DYM: variants seen among roughly 807,000 people sequenced by gnomAD.
The protein encoded by DYM is dyggve-Melchior-Clausen syndrome protein.
Under a neutral mutation model 93.1 loss-of-function variants are expected in DYM, and 78 were observed. That is an observed-to-expected ratio of 0.84 (90% CI 0.70 to 1.01). The LOEUF is 1.01. Among genes scored for constraint, DYM ranks in the 50% least tolerant of loss-of-function variants. The pLI, the probability that DYM is intolerant of heterozygous loss-of-function variation, is 0.00. For missense variants in DYM, 789 were observed against 845.0 expected (o/e 0.93, Z 0.82); for synonymous variants, 321 against 319.7 (o/e 1.00, Z -0.04).
chr18:49,431,586 GAAT>G (rs35584417), intron 1 of DYM, among the ~76,000 whole-genome samples: 11,665 of 152,120 alleles, frequency 0.077, 599 homozygotes, highest in African/African-American at 0.14. Context: ...TTCTCCCATT[GAAT>G]AATAAAATGG....
chr18:49,098,810 T>C (rs2079827997), intron 16 of DYM, among the ~76,000 whole-genome samples: 1 of 152,242 alleles, frequency 6.6e-6, no homozygotes, highest in Non-Finnish European at 1.5e-5. Context: ...AAAAATTGAT[T>C]TTTATAATAT....
At chr18:49,314,298 AGGTTT>A (rs1353813806) in intron 8 of DYM, among the ~76,000 whole-genome samples, 2 of 152,196 alleles carry the variant, frequency 1.3e-5, no homozygotes, top group Non-Finnish European at 2.9e-5. Flanking sequence ...AGAGTCATCC[AGGTTT>A]ATATGAGTAG....
chr18:49,280,427 A>T (rs2094941431), intron 10 of DYM, among the ~76,000 whole-genome samples: 1 of 152,174 alleles, frequency 6.6e-6, no homozygotes, highest in Admixed American at 6.5e-5. Context: ...TCCTTTCAGC[A>T]TTCTCATCAG....
intron 1 of DYM, among the ~76,000 whole-genome samples, chr18:49,449,720 T>C (rs1349849692): frequency 1.3e-5 from 2 of 152,184 alleles, no homozygotes; most frequent in Non-Finnish European, 2.9e-5. Flanking sequence ...AAGTTTTAAT[T>C]AATAAAAAAG....
chr18:49,044,174 C>G lies in DYM; in HGVS notation c.2056G>C (p.Glu686Gln). The change falls in exon 18 of 18, where the codon GAA (glutamate) becomes CAA (glutamine). Residue 686 changes from glutamate (E) to glutamine (Q), a missense_variant. Glu to Gln is a conservative substitution (Grantham distance 29). This residue lies in a region of DYM where 114 missense variants were observed against 105.8 expected (regional missense o/e 1.08). Coordinates refer to ENST00000675505, the MANE Select transcript of DYM (RefSeq NM_001353214.3). Reference sequence around the variant, plus strand: ...AAAAACTCCTCGGGCTGCTCCTCTTCCACATATTTGAATTTCAATTCTGGA... The same window carrying G: ...AAAAACTCCTCGGGCTGCTCCTCTTGCACATATTTGAATTTCAATTCTGGA... Reference protein sequence around the residue: ...KFPELKFKYVEEEQPEEFFIP... With the variant: ...KFPELKFKYVQEEQPEEFFIP... The G allele has an allele frequency of 6.2e-7, 1 of 1,614,110 alleles. No homozygotes were observed. The highest frequency in any genetic ancestry group is 8.5e-7 in the Non-Finnish European group (1 of 1,180,008).
chr18:49,380,312 A>G (rs1568347443), intron 3 of DYM, among the ~76,000 whole-genome samples: 2 of 152,348 alleles, frequency 1.3e-5, no homozygotes, highest in East Asian at 3.9e-4. Flanking sequence ...CAACTGTATC[A>G]GGAATCAGAA....
intron 1 of DYM, among the ~76,000 whole-genome samples, chr18:49,431,546 T>A (rs2080318790): frequency 6.6e-6 from 1 of 152,204 alleles, no homozygotes; most frequent in Non-Finnish European, 1.5e-5. Context: ...TAGATTTAGA[T>A]CATGTTTTAT....
chr18:49,268,795 ATT>A (rs1307734159), intron 11 of DYM, among the ~76,000 whole-genome samples: 2 of 151,280 alleles, frequency 1.3e-5, no homozygotes, highest in African/African-American at 2.4e-5. Context: ...TAAAAATCAT[ATT>A]TGTTTTTAAT....
intron 15 of DYM, among the ~76,000 whole-genome samples, chr18:49,141,856 T>C (rs2144448500): frequency 6.6e-6 from 1 of 151,978 alleles, no homozygotes; most frequent in East Asian, 1.9e-4. Context: ...AATAAATATG[T>C]TTTCTTTTTT....
chr18:49,377,834 C>T (rs1181296828), intron 5 of DYM, among the ~76,000 whole-genome samples: 2 of 152,110 alleles, frequency 1.3e-5, no homozygotes. Context: ...GCACACAGAC[C>T]TCCATTAAAA....
intron 11 of DYM, among the ~76,000 whole-genome samples, chr18:49,268,036 A>T (rs2094601494): frequency 6.6e-6 from 1 of 152,242 alleles, no homozygotes; most frequent in Admixed American, 6.5e-5. Flanking sequence ...TTAAAACTGC[A>T]TGTGAATCTA....
intron 15 of DYM, among the ~76,000 whole-genome samples, chr18:49,162,248 G>A (rs1026782020): frequency 2.0e-5 from 3 of 152,012 alleles, no homozygotes; most frequent in South Asian, 4.1e-4. Context: ...ATTTTCTGTC[G>A]GTTAGAACAG....
intron 11 of DYM, among the ~76,000 whole-genome samples, chr18:49,265,664 G>C (rs913469664): frequency 6.6e-6 from 1 of 151,802 alleles, no homozygotes; most frequent in African/African-American, 2.4e-5. Context: ...TGTAATCCCA[G>C]CTACTCGGGA....
chr18:49,130,882 A>T (rs2083320825), intron 15 of DYM, among the ~76,000 whole-genome samples: 1 of 152,180 alleles, frequency 6.6e-6, no homozygotes, highest in Non-Finnish European at 1.5e-5. Flanking sequence ...GACATAGACA[A>T]ATAGTAGGAA....
chr18:49,062,173 GGAGA>G (rs369618496), intron 17 of DYM, among the ~76,000 whole-genome samples: 13 of 152,288 alleles, frequency 8.5e-5, no homozygotes, highest in African/African-American at 3.1e-4. Context: ...TAGAAAACGG[GGAGA>G]GAGAGACTGG....
At chr18:49,216,146 C>G (rs948722717) in intron 13 of DYM, among the ~76,000 whole-genome samples, 4 of 152,344 alleles carry the variant, frequency 2.6e-5, no homozygotes, top group Non-Finnish European at 4.4e-5. Context: ...GTCTCACTGA[C>G]TGCTAGCACA....
intron 5 of DYM, among the ~76,000 whole-genome samples, chr18:49,374,182 C>T (rs1459380647): frequency 1.3e-5 from 2 of 152,158 alleles, no homozygotes; most frequent in African/African-American, 2.4e-5. Flanking sequence ...ATAATTCTCA[C>T]AAATATTCTC....
At chr18:49,211,585 G>A (rs914103408) in intron 13 of DYM, among the ~76,000 whole-genome samples, 4 of 152,106 alleles carry the variant, frequency 2.6e-5, no homozygotes, top group African/African-American at 4.8e-5. Flanking sequence ...TTCCACAAAC[G>A]AACAATCCAT....
intron 13 of DYM, among the ~76,000 whole-genome samples, chr18:49,254,281 CATATATATATATATATATATATATATAT>C (rs3084549): frequency 2.2e-5 from 3 of 136,574 alleles, no homozygotes; most frequent in East Asian, 2.4e-4. Context: ...ATCCTTGTAT[CATATATATATATATATATATATATATAT>C]ATATATATAT....
Sources: allele counts gnomAD v4.1 joint callset (sites outside exome capture counted in the v4.1 genomes callset), GRCh38; gene constraint gnomAD v4.1.1; regional missense constraint gnomAD v4.1.1; transcripts MANE v1.5; gene names NCBI Gene and HGNC (gene_info 2026-07-23, HGNC 2026-07-21).